Variants in TNFAIP8 observed in about 807,000 individuals in gnomAD.
TNFAIP8 encodes tumor necrosis factor alpha-induced protein 8.
TNFAIP8 carries 7 observed loss-of-function variants against 13.3 expected under a neutral mutation model. That is an observed-to-expected ratio of 0.52 (90% CI 0.30 to 0.99). The LOEUF (loss-of-function observed/expected upper bound fraction) is 0.99, where lower values mean the gene tolerates loss of function less well. TNFAIP8 is among the 50% of genes least tolerant of loss of function. The probability of loss-of-function intolerance (pLI) is 0.07; values close to 1 mark genes in which losing one functional copy is unlikely to be tolerated. For missense variants in TNFAIP8, 258 were observed against 236.9 expected (o/e 1.09, Z -0.58); for synonymous variants, 94 against 87.6 (o/e 1.07, Z -0.41).
intron 1 of TNFAIP8, among the ~76,000 whole-genome samples, chr5:119,384,406 C>G (rs1251099741): frequency 6.6e-6 from 1 of 152,068 alleles, no homozygotes; most frequent in African/African-American, 2.4e-5. Context: ...TTGCTTGAAG[C>G]CGGGGGGTGG....
intron 1 of TNFAIP8, among the ~76,000 whole-genome samples, chr5:119,380,347 A>G (rs1752442372): frequency 6.6e-6 from 1 of 152,338 alleles, no homozygotes; most frequent in African/African-American, 2.4e-5. Flanking sequence ...TGGTTCAGTA[A>G]CTTCACTCTA....
intron 1 of TNFAIP8, among the ~76,000 whole-genome samples, chr5:119,317,677 C>T (rs1444851828): frequency 6.6e-6 from 1 of 151,828 alleles, no homozygotes; most frequent in African/African-American, 2.4e-5. Flanking sequence ...CGGCTCACTG[C>T]AACCTCCACC....
chr5:119,283,404 G>A (rs1177877316), intron 1 of TNFAIP8, among the ~76,000 whole-genome samples: 1 of 152,154 alleles, frequency 6.6e-6, no homozygotes, highest in African/African-American at 2.4e-5. Context: ...AGGCTGAGGT[G>A]GAAGGATCCC....
intron 1 of TNFAIP8, among the ~76,000 whole-genome samples, chr5:119,290,486 G>C (rs949937816): frequency 6.6e-6 from 1 of 152,188 alleles, no homozygotes; most frequent in Non-Finnish European, 1.5e-5. Context: ...TCATGACATG[G>C]TGGATGACTC....
At chr5:119,333,669 A>T in intron 1 of TNFAIP8, 1 of 1,456,222 alleles carries the variant, frequency 6.9e-7, no homozygotes, top group Non-Finnish European at 9.3e-7. Context: ...TTTAGATATA[A>T]TGTCTTTGTT....
intron 1 of TNFAIP8, chr5:119,333,139 T>A: frequency 4.3e-6 from 4 of 920,974 alleles, no homozygotes; most frequent in Non-Finnish European, 5.2e-6. Context: ...TTCTATTTTC[T>A]AGCATGTTGA....
chr5:119,374,553 A>G (rs1372047742), intron 1 of TNFAIP8, among the ~76,000 whole-genome samples: 1 of 152,238 alleles, frequency 6.6e-6, no homozygotes. Context: ...CCTGTTGAAG[A>G]GTCAGAGTTG....
At chr5:119,305,488 G>A (rs896258196) in intron 1 of TNFAIP8, among the ~76,000 whole-genome samples, 5 of 152,162 alleles carry the variant, frequency 3.3e-5, no homozygotes, top group East Asian at 1.9e-4. Context: ...CCAGCTGCTC[G>A]GAAGGCTGAG....
Position 119,276,325 on chromosome 5 carries a change from C to T in TNFAIP8, c.1+7418C>T, listed in dbSNP as rs180874226. Among the ~76,000 whole-genome samples, 61 of 152,174 alleles carry T rather than the reference C, an allele frequency of 4.0e-4. 1 individual carries two copies. In the East Asian group the frequency reaches 0.011, roughly 28 times the overall value. ...TAGAGACAGGGTTTCACCATGTTGG[C>T]CAGGCTGGTCTCGAACTCCTGACCT... is the stretch of plus-strand genomic sequence containing the variant. On this transcript the variant is annotated intron_variant, in intron 1 of 1. Coordinates refer to the TNFAIP8 transcript ENST00000274456.
At chr5:119,302,280 A>G (rs1179139893) in intron 1 of TNFAIP8, among the ~76,000 whole-genome samples, 8 of 152,234 alleles carry the variant, frequency 5.3e-5, no homozygotes, top group Admixed American at 2.6e-4. Context: ...CTCAAGGGTG[A>G]CAACCTCAAG....
chr5:119,351,463 A>C (rs536780297), upstream of TNFAIP8, among the ~76,000 whole-genome samples: 6 of 152,310 alleles, frequency 3.9e-5, no homozygotes, highest in South Asian at 8.3e-4. Context: ...ATTTTATTAT[A>C]AAATAGGCTT....
chr5:119,321,514 A>G (rs1371431673), intron 1 of TNFAIP8, among the ~76,000 whole-genome samples: 1 of 152,144 alleles, frequency 6.6e-6, no homozygotes, highest in Non-Finnish European at 1.5e-5. Context: ...TCTTGATTGC[A>G]TGCCCTTTAC....
chr5:119,392,550 C>G (rs940618139), intron 1 of TNFAIP8, among the ~76,000 whole-genome samples: 1 of 152,112 alleles, frequency 6.6e-6, no homozygotes, highest in Non-Finnish European at 1.5e-5. Context: ...ACCACCACGC[C>G]CATGTAGGCC....
chr5:119,328,085 A>G (rs762156250), intron 1 of TNFAIP8, among the ~76,000 whole-genome samples: 2 of 152,216 alleles, frequency 1.3e-5, no homozygotes, highest in African/African-American at 4.8e-5. Context: ...TGGGCTTGAA[A>G]TGGCTTCCAG....
At chr5:119,352,229 C>T (rs1751194100), upstream of TNFAIP8, among the ~76,000 whole-genome samples, 2 of 152,158 alleles carry the variant, frequency 1.3e-5, no homozygotes, top group Admixed American at 6.5e-5. Context: ...AACTCAAAGC[C>T]TACAGGCCTA....
At chr5:119,362,717 A>T (rs1329625708) in intron 1 of TNFAIP8, among the ~76,000 whole-genome samples, 1 of 152,024 alleles carries the variant, frequency 6.6e-6, no homozygotes, top group Admixed American at 6.6e-5. Flanking sequence ...ATTCGAGCCC[A>T]GGAGTTCAAG....
intron 1 of TNFAIP8, among the ~76,000 whole-genome samples, chr5:119,301,578 G>A (rs1749395413): frequency 6.6e-6 from 1 of 152,192 alleles, no homozygotes; most frequent in Admixed American, 6.5e-5. Flanking sequence ...AGTCCCATCT[G>A]TATCTCATTA....
chr5:119,391,898 A>G (rs772616463), intron 1 of TNFAIP8, among the ~76,000 whole-genome samples: 18 of 152,204 alleles, frequency 1.2e-4, no homozygotes, highest in Non-Finnish European at 1.5e-4. Context: ...GATTACATAT[A>G]GTGTCTGTTT....
intron 1 of TNFAIP8, among the ~76,000 whole-genome samples, chr5:119,382,524 T>C (rs1164235027): frequency 6.6e-6 from 1 of 152,202 alleles, no homozygotes; most frequent in African/African-American, 2.4e-5. Flanking sequence ...TGGCATCCTA[T>C]ACCAGCAGAA....
Sources: allele counts gnomAD v4.1 joint callset (sites outside exome capture counted in the v4.1 genomes callset), GRCh38; gene constraint gnomAD v4.1.1; transcripts MANE v1.5; gene names NCBI Gene and HGNC (gene_info 2026-07-23, HGNC 2026-07-21).